The following TAFA1 variants were observed in gnomAD, a reference collection of about 807,000 sequenced individuals.
The protein encoded by TAFA1 is TAFA chemokine like family member 1, also known as chemokine-like protein TAFA-1.
In TAFA1, 4 loss-of-function variants were observed where a neutral mutation model predicts 18.5. The observed-to-expected ratio is 0.22, with a 90% CI of 0.11 to 0.49. The LOEUF (loss-of-function observed/expected upper bound fraction) is 0.49, where lower values mean the gene tolerates loss of function less well. Ranked by LOEUF, TAFA1 falls within the 20% of genes least tolerant of loss-of-function variation. The pLI is 0.98. For synonymous variants in TAFA1, 56 were observed against 55.2 expected, an observed-to-expected ratio of 1.01 and a Z score of -0.06; for missense variants, 147 against 169.0, an observed-to-expected ratio of 0.87 and a Z score of 0.72.
chr3:68,344,027 G>C (rs2069127071), intron 2 of TAFA1, among the ~76,000 whole-genome samples: 1 of 152,130 alleles, frequency 6.6e-6, no homozygotes, highest in African/African-American at 2.4e-5. Flanking sequence ...ATTTTTAGTA[G>C]AGACAGGGTT....
intron 2 of TAFA1, among the ~76,000 whole-genome samples, chr3:68,391,540 C>T (rs1189781952): frequency 6.6e-6 from 1 of 152,076 alleles, no homozygotes; most frequent in Admixed American, 6.5e-5. Flanking sequence ...AGAAGAGCAA[C>T]CGTAAGACAC....
At chr3:68,542,808 C>A (rs962390789) in intron 4 of TAFA1, among the ~76,000 whole-genome samples, 2 of 152,058 alleles carry the variant, frequency 1.3e-5, no homozygotes, top group Admixed American at 6.6e-5. Flanking sequence ...ACCAAATACA[C>A]CATTTACATG....
chr3:68,214,821 A>G (rs76019468), intron 2 of TAFA1, among the ~76,000 whole-genome samples: 1 of 151,954 alleles, frequency 6.6e-6, no homozygotes, highest in South Asian at 2.1e-4. Context: ...AGGAGAATTT[A>G]TTGTCCCTGT....
intron 2 of TAFA1, among the ~76,000 whole-genome samples, chr3:68,197,873 G>A (rs1328913860): frequency 6.6e-6 from 1 of 151,670 alleles, no homozygotes; most frequent in Non-Finnish European, 1.5e-5. Context: ...AGGTGGGTTG[G>A]AAGTTTCTAA....
intron 2 of TAFA1, among the ~76,000 whole-genome samples, chr3:68,278,123 T>C (rs2067829573): frequency 6.6e-6 from 1 of 152,148 alleles, no homozygotes; most frequent in Non-Finnish European, 1.5e-5. Context: ...GTACTCTCAA[T>C]TGCCTTTCAA....
At chr3:68,059,046 A>C (rs566223027) in intron 2 of TAFA1, among the ~76,000 whole-genome samples, 1 of 152,314 alleles carries the variant, frequency 6.6e-6, no homozygotes, top group South Asian at 2.1e-4. Flanking sequence ...TTCATGGTAT[A>C]AATGATATCA....
intron 2 of TAFA1, among the ~76,000 whole-genome samples, chr3:68,258,325 C>A (rs1399373273): frequency 6.6e-6 from 1 of 152,034 alleles, no homozygotes; most frequent in Admixed American, 6.6e-5. Context: ...CCAGGGCTGA[C>A]CTTTAGTCAG....
intron 2 of TAFA1, chr3:68,145,290 A>T: frequency 1.3e-6 from 1 of 789,504 alleles, no homozygotes; most frequent in Non-Finnish European, 2.3e-6. Context: ...ATCAACGCTC[A>T]TCAGTGGTCT....
At chr3:68,377,728 A>G (rs2106656333) in intron 2 of TAFA1, among the ~76,000 whole-genome samples, 2 of 152,286 alleles carry the variant, frequency 1.3e-5, no homozygotes, top group African/African-American at 4.8e-5. Context: ...GCCTAAAAGT[A>G]ACAAGTGGCC....
At chr3:68,434,359 T>C (rs1462794654) in intron 3 of TAFA1, among the ~76,000 whole-genome samples, 1 of 152,072 alleles carries the variant, frequency 6.6e-6, no homozygotes, top group Non-Finnish European at 1.5e-5. Context: ...ATGAGCTTGT[T>C]ACAAGCAGTA....
intron 2 of TAFA1, among the ~76,000 whole-genome samples, chr3:68,286,734 A>G (rs552240413): frequency 6.6e-6 from 1 of 152,202 alleles, no homozygotes; most frequent in Non-Finnish European, 1.5e-5. Flanking sequence ...GAGGAATATG[A>G]GGAGACAAGC....
chr3:67,998,667 C>T, the TAFA1 span, among the ~76,000 whole-genome samples: 2 of 152,198 alleles, frequency 1.3e-5, no homozygotes, highest in East Asian at 3.8e-4. Flanking sequence ...AAGCACATAG[C>T]CCAGGCAGCC....
intron 3 of TAFA1, among the ~76,000 whole-genome samples, chr3:68,498,902 A>G (rs2072604430): frequency 6.6e-6 from 1 of 152,018 alleles, no homozygotes; most frequent in Non-Finnish European, 1.5e-5. Context: ...TATATTTTTT[A>G]ACACTTACTG....
chr3:68,145,715 T>A, intron 2 of TAFA1: 1 of 746,156 alleles, frequency 1.3e-6, no homozygotes, highest in Non-Finnish European at 2.4e-6. Context: ...ATTTTCAATT[T>A]ATTGGATGGC....
chr3:68,131,325 G>A (rs746019797), intron 2 of TAFA1, among the ~76,000 whole-genome samples: 1 of 151,798 alleles, frequency 6.6e-6, no homozygotes, highest in Non-Finnish European at 1.5e-5. Context: ...ACACGCACAC[G>A]CACGCACACA....
intron 2 of TAFA1, among the ~76,000 whole-genome samples, chr3:68,400,170 G>A (rs181892918): frequency 2.7e-3 from 412 of 152,168 alleles, no homozygotes; most frequent in Admixed American, 4.3e-3. Context: ...GCACTGCATC[G>A]ACTGAAAATG....
intron 3 of TAFA1, among the ~76,000 whole-genome samples, chr3:68,456,863 A>G (rs1009613651): frequency 6.6e-6 from 1 of 152,166 alleles, no homozygotes; most frequent in Non-Finnish European, 1.5e-5. Flanking sequence ...GCAGACCTCA[A>G]TCAAGCAATT....
intron 2 of TAFA1, among the ~76,000 whole-genome samples, chr3:68,121,161 T>A (rs535078740): frequency 6.6e-6 from 1 of 152,288 alleles, no homozygotes; most frequent in East Asian, 1.9e-4. Context: ...AATGTTTCAA[T>A]GCAGGCTGAA....
At chr3:68,385,629 T>A (rs2070083000) in intron 2 of TAFA1, among the ~76,000 whole-genome samples, 1 of 152,124 alleles carries the variant, frequency 6.6e-6, no homozygotes, top group Non-Finnish European at 1.5e-5. Context: ...CAATCTCAAG[T>A]GTTTGCTATG....
Sources: gnomAD v4.1 joint callset for allele counts (sites outside exome capture counted in the v4.1 genomes callset) on GRCh38, gnomAD v4.1.1 for gene constraint, MANE v1.5 for transcripts, NCBI Gene and HGNC (gene_info 2026-07-23, HGNC 2026-07-21) for gene names.